The following SCAPER variants were observed in gnomAD, a reference collection of about 807,000 sequenced individuals.
The protein encoded by SCAPER is S phase cyclin A-associated protein in the endoplasmic reticulum.
Under a neutral mutation model 182.2 loss-of-function variants are expected in SCAPER, and 98 were observed. That is an observed-to-expected ratio of 0.54 (90% CI 0.46 to 0.64). The LOEUF is 0.64. SCAPER is among the 30% of genes least tolerant of loss of function. The pLI is 0.00. For missense variants in SCAPER, 1,432 were observed against 1,690.0 expected (o/e 0.85, Z 2.68); for synonymous variants, 605 against 564.6 (o/e 1.07, Z -1.01).
chr15:76,354,228 A>G lies in SCAPER; in HGVS notation c.3856-88T>C. ...GCACAGTGTCGGCTAGTACCATGGA[A>G]AACATGCTGAAGGAGTGTAAAGAAA... On this transcript the variant is annotated intron_variant, in intron 29 of 31. Transcript: ENST00000563290. This position sits in a 1 kb window ranked among gnomAD's most constrained non-coding sequence, Gnocchi z 4.4. The G allele has an allele frequency of 8.1e-7, 1 of 1,228,128 alleles. No homozygotes were observed. The highest frequency in any genetic ancestry group is 1.1e-6 in the Non-Finnish European group (1 of 897,194). 76.1% of individuals were successfully genotyped at this position (1,228,128 alleles called of 1,614,324 possible). A position where few individuals can be genotyped will look rare whatever the true frequency, so the allele number is the denominator to read the frequency against.
intron 21 of SCAPER, among the ~76,000 whole-genome samples, chr15:76,656,424 G>T (rs1264136173): frequency 6.6e-6 from 1 of 152,104 alleles, no homozygotes; most frequent in Non-Finnish European, 1.5e-5. Flanking sequence ...CTTATGAAAA[G>T]ACTTAGAAAA....
At chr15:76,781,674 G>A (rs2064152312) in intron 8 of SCAPER, among the ~76,000 whole-genome samples, 1 of 152,212 alleles carries the variant, frequency 6.6e-6, no homozygotes, top group South Asian at 2.1e-4. Flanking sequence ...AAGCCCATCA[G>A]ACTAACAGTG....
chr15:76,499,219 G>A (rs562193561), intron 24 of SCAPER, among the ~76,000 whole-genome samples: 5 of 152,320 alleles, frequency 3.3e-5, no homozygotes, highest in Admixed American at 3.3e-4. Context: ...CCATCTAACA[G>A]AGAAGAATAG....
intron 21 of SCAPER, among the ~76,000 whole-genome samples, chr15:76,632,869 G>T (rs1046201271): frequency 6.8e-6 from 1 of 147,268 alleles, no homozygotes; most frequent in Admixed American, 6.8e-5. Flanking sequence ...ACACCTCCCA[G>T]GTTCCAGCAA....
In SCAPER at chr15:76,416,317, G is replaced by A. The variant is rs117029758; in HGVS notation, c.3312-11638C>T. On this transcript the variant is annotated intron_variant, in intron 26 of 31. Coordinates refer to ENST00000563290, the MANE Select transcript of SCAPER (RefSeq NM_020843.4). ...TGGTGAAACCCTGCCTCTACTAAAA[G>A]AAAAAAAAAAAAAGTACAAAAATTA... Among the ~76,000 whole-genome samples the A allele has an allele frequency of 8.1e-4, 117 of 144,226 alleles. 1 individual carries two copies. The highest frequency in any genetic ancestry group is 4.6e-3 in the East Asian group (23 of 4,994). 94.6% of individuals were successfully genotyped at this position (144,226 alleles called of 152,430 possible). A position where few individuals can be genotyped will look rare whatever the true frequency, so the allele number is the denominator to read the frequency against.
chr15:76,885,287 A>C (rs117170982), intron 1 of SCAPER, among the ~76,000 whole-genome samples: 1 of 152,120 alleles, frequency 6.6e-6, no homozygotes, highest in Admixed American at 6.5e-5. Context: ...ATCATGTCCA[A>C]AATTTTCCAA....
At chr15:76,509,050 T>G (rs1040212226) in intron 23 of SCAPER, among the ~76,000 whole-genome samples, 1 of 152,148 alleles carries the variant, frequency 6.6e-6, no homozygotes, top group African/African-American at 2.4e-5. Flanking sequence ...AGGGTCAAGA[T>G]GGGGATGTAA....
chr15:76,623,918 A>G (rs530558433), intron 21 of SCAPER, among the ~76,000 whole-genome samples: 1 of 152,282 alleles, frequency 6.6e-6, no homozygotes, highest in African/African-American at 2.4e-5. Context: ...AAAATAATAA[A>G]AGCCATCTAT....
At position 76,702,912 on chromosome 15, in the gene SCAPER, C is replaced by T; in HGVS notation, c.2338G>A (p.Asp780Asn). ...TAAGGGGTCAGTTTGGGGGCATAAT[C>T]AGTATTTGCATGTCGCCCACTGCTT... ...ELSSGRHANT[D>N]YAPKLTPYER... is the part of the protein sequence containing the mutation. The change falls in exon 19 of 32, where the codon GAT (aspartate) becomes AAT (asparagine). Residue 780 changes from aspartate to asparagine, a missense_variant. By Grantham distance (23) the Asp-to-Asn change is conservative. Transcript: ENST00000563290. 1 of 1,611,268 alleles carries T rather than the reference C, an allele frequency of 6.2e-7. No individual in the cohort carries two copies. The highest frequency in any genetic ancestry group is 8.5e-7 in the Non-Finnish European group (1 of 1,179,056).
rs545037481 is a variant in SCAPER, at chr15:76,876,048, G to A, written c.6+7764C>T. ...GGCCGGCACTGCTGGGGGACCCAGCGCACCCTCCCAGCTGCTGGCCCAGGT... is the reference window on the plus strand; with the variant it reads ...GGCCGGCACTGCTGGGGGACCCAGCACACCCTCCCAGCTGCTGGCCCAGGT... On this transcript the variant is annotated intron_variant, in intron 2 of 31. Transcript: ENST00000563290. 4.6e-5 allele frequency among the ~76,000 whole-genome samples: 7 copies of A among 152,286 alleles called. No homozygotes were observed. The South Asian group carries it at 1.2e-3, about 27-fold the overall frequency.
At chr15:76,867,286 C>T (rs1306248964) in intron 2 of SCAPER, among the ~76,000 whole-genome samples, 1 of 152,064 alleles carries the variant, frequency 6.6e-6, no homozygotes, top group Non-Finnish European at 1.5e-5. Flanking sequence ...TATCTTTTTT[C>T]CAATGTTTTT....
chr15:76,367,695 G>T (rs2041901467), intron 29 of SCAPER, among the ~76,000 whole-genome samples: 1 of 152,070 alleles, frequency 6.6e-6, no homozygotes, highest in South Asian at 2.1e-4. Flanking sequence ...GCGGCACTTT[G>T]AACTACCCTT....
At chr15:76,607,448 C>A (rs915937022) in intron 22 of SCAPER, among the ~76,000 whole-genome samples, 1 of 152,194 alleles carries the variant, frequency 6.6e-6, no homozygotes, top group South Asian at 2.1e-4. Context: ...CTGCTCTTAA[C>A]ATTTTTTCCT....
intron 25 of SCAPER, among the ~76,000 whole-genome samples, chr15:76,443,367 G>A (rs1266352999): frequency 5.9e-5 from 9 of 152,190 alleles, no homozygotes; most frequent in East Asian, 5.8e-4. Flanking sequence ...AGAGCAAGAC[G>A]AATTCTGCTA....
At chr15:76,493,761 T>C (rs1030175055) in intron 24 of SCAPER, among the ~76,000 whole-genome samples, 1 of 152,172 alleles carries the variant, frequency 6.6e-6, no homozygotes, top group Non-Finnish European at 1.5e-5. Context: ...CAGTGTTAAA[T>C]AGCAGATTAA....
chr15:76,652,273 A>AAT (rs1172636102), intron 21 of SCAPER, among the ~76,000 whole-genome samples: 240 of 12,794 alleles, frequency 0.019, 7 homozygotes, highest in Non-Finnish European at 0.023. Context: ...AAAAAAAAAA[A>AAT]ATATATATAT....
At chr15:76,536,287 A>G (rs965811354) in intron 23 of SCAPER, among the ~76,000 whole-genome samples, 9 of 152,174 alleles carry the variant, frequency 5.9e-5, no homozygotes, top group Non-Finnish European at 2.9e-5. Context: ...TCAGCTCAAG[A>G]GTTCACATCC....
chr15:76,368,795 A>G (rs566321088), intron 29 of SCAPER, among the ~76,000 whole-genome samples: 1 of 152,356 alleles, frequency 6.6e-6, no homozygotes, highest in South Asian at 2.1e-4. Flanking sequence ...TATTCCCAAT[A>G]TAGTAATATG....
chr15:76,701,919 A>G, intron 19 of SCAPER, 54 bp from the exon 20 acceptor site: 1 of 1,259,770 alleles, frequency 7.9e-7, no homozygotes, highest in Non-Finnish European at 1.2e-6. Context: ...ATGAATTTTA[A>G]ACACTACACA....
Sources: allele counts gnomAD v4.1 joint callset (sites outside exome capture counted in the v4.1 genomes callset), GRCh38; gene constraint gnomAD v4.1.1; non-coding constraint Gnocchi (gnomAD v3.1); transcripts MANE v1.5; gene names NCBI Gene and HGNC (gene_info 2026-07-23, HGNC 2026-07-21).